The following DNAJC12 variants were observed in gnomAD, a reference collection of about 807,000 sequenced individuals.
DNAJC12 encodes the protein DnaJ heat shock protein family (Hsp40) member C12.
A neutral mutation model predicts 28.5 loss-of-function variants in DNAJC12; 25 were observed. That is an observed-to-expected ratio of 0.88 (90% CI 0.64 to 1.22). DNAJC12 has a LOEUF of 1.22. DNAJC12 is among the 50% of genes most tolerant of loss of function. DNAJC12 has a pLI of 0.00. For missense variants in DNAJC12, 222 were observed against 231.7 expected, an observed-to-expected ratio of 0.96 and a Z score of 0.27; for synonymous variants, 77 against 80.6, an observed-to-expected ratio of 0.95 and a Z score of 0.24.
intron 4 of DNAJC12, among the ~76,000 whole-genome samples, chr10:67,797,747 T>C (rs139709261): frequency 1.3e-5 from 2 of 152,276 alleles, no homozygotes; most frequent in African/African-American, 4.8e-5. Context: ...CTCGTTAAAA[T>C]GTATAAACCT....
At position 67,823,320 on chromosome 10, in the gene DNAJC12, T is replaced by C; in HGVS notation, c.151A>G (p.Lys51Glu). 3.7e-6 allele frequency: 6 copies of C among 1,614,084 alleles called. No individual in the cohort carries two copies. Among genetic ancestry groups the C allele is most frequent in the Non-Finnish European group, 5.1e-6 (6 of 1,179,962 alleles). ...CHPDKHPENP[K>E]AVETFQKLQK... ...GCCTTTATTAAGTTCTTACCAGCTT[T>C]GGGGTTTTCAGGATGCTTGTCTGGG... is the stretch of plus-strand genomic sequence containing the variant. The change falls in exon 2 of 5, where the codon AAA (lysine) becomes GAA (glutamate). Residue 51 changes from lysine to glutamate, a missense_variant. Physicochemically the swap from Lys to Glu is moderately conservative, Grantham distance 56. Coordinates refer to ENST00000225171, the MANE Select transcript of DNAJC12 (RefSeq NM_021800.3).
chr10:67,828,882 C>T (rs1564866763), intron 1 of DNAJC12, among the ~76,000 whole-genome samples: 1 of 152,066 alleles, frequency 6.6e-6, no homozygotes, highest in Non-Finnish European at 1.5e-5. Flanking sequence ...ACAGACATCG[C>T]CACTTTAAAT....
intron 1 of DNAJC12, chr10:67,833,794 C>T (rs1842116973): frequency 2.0e-6 from 1 of 497,108 alleles, no homozygotes; most frequent in South Asian, 1.5e-5. Flanking sequence ...GTTGGACTGA[C>T]CATTGCTGCT....
chr10:67,816,540 TTTC>T (rs1392719473), intron 2 of DNAJC12, among the ~76,000 whole-genome samples: 5 of 35,726 alleles, frequency 1.4e-4, no homozygotes, highest in Non-Finnish European at 7.1e-4. Flanking sequence ...TGAAGTTTAC[TTTC>T]TTTTTTTTTT....
At chr10:67,800,468 G>A (rs1369152294) in intron 4 of DNAJC12, among the ~76,000 whole-genome samples, 5 of 152,080 alleles carry the variant, frequency 3.3e-5, no homozygotes, top group African/African-American at 1.2e-4. Context: ...ACTCATTATT[G>A]TCATCCAAAG....
At chr10:67,802,130 C>T (rs1841753477) in intron 4 of DNAJC12, among the ~76,000 whole-genome samples, 1 of 152,014 alleles carries the variant, frequency 6.6e-6, no homozygotes, top group South Asian at 2.1e-4. Flanking sequence ...TCCCAAAGTT[C>T]TAGGAGTACA....
chr10:67,837,831 G>T, intron 1 of DNAJC12, 103 bp downstream of exon 1: 1 of 787,894 alleles, frequency 1.3e-6, no homozygotes, highest in Non-Finnish European at 2.0e-6. Flanking sequence ...TAGGTTTGTA[G>T]GCAATGTGAC....
At chr10:67,821,674 T>C (rs558652291) in intron 2 of DNAJC12, among the ~76,000 whole-genome samples, 8 of 152,334 alleles carry the variant, frequency 5.3e-5, no homozygotes, top group Admixed American at 3.3e-4. Flanking sequence ...ACATATTATT[T>C]TTTTCCATAA....
chr10:67,816,559 T>C (rs1841918426), intron 2 of DNAJC12, among the ~76,000 whole-genome samples: 2 of 140,286 alleles, frequency 1.4e-5, no homozygotes. Flanking sequence ...TTTTTTTTTT[T>C]TTTTGAGGCA....
At chr10:67,823,032 G>A (rs1391138945) in intron 2 of DNAJC12, among the ~76,000 whole-genome samples, 1 of 151,576 alleles carries the variant, frequency 6.6e-6, no homozygotes, top group African/African-American at 2.4e-5. Flanking sequence ...ATATACTTAA[G>A]TTATGTTAAC....
At chr10:67,821,127 T>A (rs969566464) in intron 2 of DNAJC12, among the ~76,000 whole-genome samples, 1 of 152,152 alleles carries the variant, frequency 6.6e-6, no homozygotes, top group South Asian at 2.1e-4. Flanking sequence ...ATTTGTGCAA[T>A]ATGGAATTAT....
Position 67,811,607 on chromosome 10 carries a change from G to T in DNAJC12, c.214C>A (p.Arg72=), listed in dbSNP as rs569240271. Residue 72 remains arginine (R), a synonymous_variant, in exon 3 of 5, where the codon CGA becomes AGA. Coordinates refer to ENST00000225171, the MANE Select transcript of DNAJC12 (RefSeq NM_021800.3). ...CTTCGCCAGTGGTCATAGCGGGCTCGACTCTCTTCATTGGTCAGAATCTCC... is the reference window on the plus strand; with the variant it reads ...CTTCGCCAGTGGTCATAGCGGGCTCTACTCTCTTCATTGGTCAGAATCTCC... ...AKEILTNEES[R]ARYDHWRRSQ... is the part of the protein sequence containing the mutation. The T allele has an allele frequency of 2.5e-6, 4 of 1,614,026 alleles. No homozygotes were observed.
intron 1 of DNAJC12, among the ~76,000 whole-genome samples, chr10:67,836,976 A>G (rs1288523542): frequency 1.3e-5 from 2 of 150,276 alleles, no homozygotes; most frequent in Non-Finnish European, 3.0e-5. Context: ...TTAATAATGA[A>G]TATATTTTAT....
chr10:67,816,762 G>C (rs1386312235), intron 2 of DNAJC12, among the ~76,000 whole-genome samples: 1 of 152,148 alleles, frequency 6.6e-6, no homozygotes, highest in East Asian at 1.9e-4. Context: ...GGCTAGGCTT[G>C]TCTCAAACTC....
chr10:67,831,283 T>C (rs1315624047), intron 1 of DNAJC12, among the ~76,000 whole-genome samples: 1 of 152,242 alleles, frequency 6.6e-6, no homozygotes, highest in South Asian at 2.1e-4. Context: ...AATTAACATG[T>C]ATAAGTCATA....
chr10:67,830,335 G>A (rs10997824), intron 1 of DNAJC12, among the ~76,000 whole-genome samples: 107,036 of 148,626 alleles, frequency 0.72, 39,165 homozygotes, highest in Non-Finnish European at 0.8. Flanking sequence ...TAGGCCGGGC[G>A]CTGTGGCTCA....
At position 67,819,761 on chromosome 10, in the gene DNAJC12, A is replaced by G. The variant is rs1286523201; in HGVS notation, c.157+3553T>C. Among the ~76,000 whole-genome samples the G allele has an allele frequency of 8.6e-3, 138 of 16,072 alleles. 5 individuals are homozygous for G. Among genetic ancestry groups the G allele is most frequent in the African/African-American group, 0.023 (132 of 5,620 alleles). 10.5% of individuals were successfully genotyped at this position (16,072 alleles called of 152,430 possible). ...AAGGAAGGAAGGAAGGAAGGAAGGAAGGAAGGAAGGAAGGAAGGGGAAGGA... is the reference window on the plus strand; with the variant it reads ...AAGGAAGGAAGGAAGGAAGGAAGGAGGGAAGGAAGGAAGGAAGGGGAAGGA... On this transcript the variant is annotated intron_variant, in intron 2 of 4. Transcript: ENST00000225171.
chr10:67,802,004 G>T (rs1043268828), intron 4 of DNAJC12, among the ~76,000 whole-genome samples: 2 of 151,664 alleles, frequency 1.3e-5, no homozygotes, highest in South Asian at 2.1e-4. Context: ...TGGAACTACA[G>T]GCGCACGCCA....
In DNAJC12 at chr10:67,796,748, GAA is replaced by G. The variant is rs775186178; in HGVS notation, c.*366_*367del. ...ACATTTCATTGTAAGTCAAGGGTAAGAAAACATTTTTTGTACATCCATCACTA... is the reference window on the plus strand; with the variant it reads ...ACATTTCATTGTAAGTCAAGGGTAAGAACATTTTTTGTACATCCATCACTA... On this transcript the variant is annotated 3_prime_UTR_variant, in exon 5 of 5. Coordinates refer to ENST00000225171, the MANE Select transcript of DNAJC12 (RefSeq NM_021800.3). The G allele has an allele frequency of 1.0e-4, 16 of 156,644 alleles. No homozygotes were observed. The highest frequency in any genetic ancestry group is 2.3e-4 in the Non-Finnish European group (16 of 71,074). The allele number at this position is 156,644 out of a possible 1,614,324, so 9.7% of individuals were successfully genotyped here. A position where few individuals can be genotyped will look rare whatever the true frequency, so the allele number is the denominator to read the frequency against.
Sources: allele counts gnomAD v4.1 joint callset (sites outside exome capture counted in the v4.1 genomes callset), GRCh38; gene constraint gnomAD v4.1.1; transcripts MANE v1.5; gene names NCBI Gene and HGNC (gene_info 2026-07-23, HGNC 2026-07-21).